CAMK4: variants seen among roughly 807,000 people sequenced by gnomAD.
The protein encoded by CAMK4 is calcium/calmodulin-dependent protein kinase type IV.
Under a neutral mutation model 44.9 loss-of-function variants are expected in CAMK4, and 22 were observed. The ratio of observed to expected loss-of-function variants is 0.49; its 90% CI spans 0.35 to 0.70. The LOEUF (loss-of-function observed/expected upper bound fraction) is 0.70. Among genes scored for constraint, CAMK4 ranks in the 30% least tolerant of loss-of-function variants. The probability of loss-of-function intolerance (pLI) is 0.01; values close to 1 mark genes in which losing one functional copy is unlikely to be tolerated. For synonymous variants in CAMK4, 218 were observed against 215.4 expected (o/e 1.01, Z -0.11); for missense variants, 498 against 586.8 (o/e 0.85, Z 1.56).
intron 1 of CAMK4, among the ~76,000 whole-genome samples, chr5:111,300,182 T>C (rs1184317474): frequency 9.9e-5 from 15 of 152,240 alleles, no homozygotes; most frequent in Admixed American, 9.8e-4. Flanking sequence ...AACAATTGTA[T>C]ACTAATGTCA....
At chr5:111,411,909 C>G (rs1036779138) in intron 5 of CAMK4, among the ~76,000 whole-genome samples, 2 of 152,096 alleles carry the variant, frequency 1.3e-5, no homozygotes, top group African/African-American at 4.8e-5. Flanking sequence ...TGGAAGATAT[C>G]TTTTAAAAGC....
intron 1 of CAMK4, among the ~76,000 whole-genome samples, chr5:111,258,346 A>C (rs1035660384): frequency 6.6e-6 from 1 of 152,188 alleles, no homozygotes; most frequent in Admixed American, 6.5e-5. Flanking sequence ...GCTGACTAAC[A>C]TACCTATTTG....
chr5:111,477,029 A>G (rs563021505), intron 8 of CAMK4, among the ~76,000 whole-genome samples: 1 of 152,302 alleles, frequency 6.6e-6, no homozygotes, highest in South Asian at 2.1e-4. Context: ...CTCCATGACT[A>G]ACTGCAACAG....
chr5:111,308,982 A>G (rs534770176), intron 1 of CAMK4, among the ~76,000 whole-genome samples: 28 of 152,304 alleles, frequency 1.8e-4, no homozygotes, highest in African/African-American at 6.3e-4. Context: ...TACCATAAAC[A>G]TGTAGTAAAT....
At chr5:111,344,453 A>G (rs1749788907) in intron 2 of CAMK4, among the ~76,000 whole-genome samples, 1 of 151,568 alleles carries the variant, frequency 6.6e-6, no homozygotes, top group Non-Finnish European at 1.5e-5. Flanking sequence ...CACACTATAT[A>G]ATAATTTCAA....
intron 1 of CAMK4, among the ~76,000 whole-genome samples, chr5:111,299,709 C>T (rs1390465981): frequency 3.3e-5 from 5 of 152,116 alleles, no homozygotes; most frequent in Non-Finnish European, 7.4e-5. Flanking sequence ...CCCTATGTGA[C>T]CAGCATTCGT....
At chr5:111,240,930 A>T (rs151139216) in intron 1 of CAMK4, among the ~76,000 whole-genome samples, 1 of 152,314 alleles carries the variant, frequency 6.6e-6, no homozygotes, top group African/African-American at 2.4e-5. Context: ...CAACTCTGGT[A>T]CCTAGTAGCT....
In CAMK4 at chr5:111,463,298, C is replaced by T. The variant is rs549947490; in HGVS notation, c.626-10013C>T. Among the ~76,000 whole-genome samples, 24 of 152,058 alleles carry T rather than the reference C, an allele frequency of 1.6e-4. No individual in the cohort carries two copies. In the South Asian group the frequency reaches 3.3e-3, roughly 21 times the overall value. ...TACAAATCAGCAAGAAAAAAAAGGG[C>T]GCAAAGGGCATGAATAGACAATGCT... On this transcript the variant is annotated intron_variant, in intron 7 of 10. Transcript: ENST00000282356.
intron 4 of CAMK4, among the ~76,000 whole-genome samples, chr5:111,388,081 A>G (rs1175418492): frequency 2.0e-5 from 3 of 152,212 alleles, no homozygotes; most frequent in Non-Finnish European, 4.4e-5. Flanking sequence ...CAATCTGTTT[A>G]AGGAATCATC....
At chr5:111,374,984 C>CTGA in intron 3 of CAMK4, 72 bp downstream of exon 3, 1 of 953,356 alleles carries the variant, frequency 1.0e-6, no homozygotes, top group Non-Finnish European at 1.6e-6. Context: ...CCTTCACTGT[C>CTGA]AGTGCTGATA....
intron 1 of CAMK4, among the ~76,000 whole-genome samples, chr5:111,253,463 T>C (rs1317630878): frequency 6.6e-6 from 1 of 152,216 alleles, no homozygotes; most frequent in Non-Finnish European, 1.5e-5. Context: ...TTCTCAGTCA[T>C]GTCACCTGGG....
intron 1 of CAMK4, among the ~76,000 whole-genome samples, chr5:111,237,948 G>A (rs895075559): frequency 6.6e-6 from 1 of 152,178 alleles, no homozygotes; most frequent in Admixed American, 6.5e-5. Flanking sequence ...TCCAAGTAGG[G>A]TTATTAACTT....
Position 111,449,207 on chromosome 5 carries a change from T to G in CAMK4, c.625+4T>G, listed in dbSNP as rs377764169. 8.8e-4 allele frequency: 1,172 copies of G among 1,337,690 alleles called. No homozygotes were observed. The highest frequency in any genetic ancestry group is 1.1e-3 in the Non-Finnish European group (1,010 of 957,568). The allele number at this position is 1,337,690 out of a possible 1,614,324, so 82.9% of individuals were successfully genotyped here. On this transcript the variant is annotated splice_donor_region_variant and intron_variant, in intron 7 of 10. Transcript: ENST00000282356. ...TGTGGAACCCCAGGGTACTGCGGTA[T>G]GCTCTTTAATAATTATATTTTACTT... is the stretch of plus-strand genomic sequence containing the variant.
chr5:111,300,641 T>G (rs1407891046), intron 1 of CAMK4, among the ~76,000 whole-genome samples: 2 of 151,862 alleles, frequency 1.3e-5, no homozygotes, highest in Non-Finnish European at 2.9e-5. Flanking sequence ...AATAAATGAG[T>G]TTTTTCCTTC....
At chr5:111,355,782 C>T (rs866672992) in intron 2 of CAMK4, among the ~76,000 whole-genome samples, 2,847 of 149,562 alleles carry the variant, frequency 0.019, 44 homozygotes, top group Non-Finnish European at 0.03. Context: ...GATAGTTTAC[C>T]GAGAATGATG....
At chr5:111,258,330 A>C (rs1331886727) in intron 1 of CAMK4, among the ~76,000 whole-genome samples, 2 of 152,182 alleles carry the variant, frequency 1.3e-5, no homozygotes, top group Admixed American at 1.3e-4. Context: ...AAAATACCGC[A>C]TTCAGGCTGA....
chr5:111,479,542 A>G (rs1302041116), intron 9 of CAMK4, among the ~76,000 whole-genome samples: 3 of 152,192 alleles, frequency 2.0e-5, no homozygotes, highest in East Asian at 3.9e-4. Flanking sequence ...CTTAGGAGGC[A>G]TCTAGTCCTC....
intron 1 of CAMK4, among the ~76,000 whole-genome samples, chr5:111,257,944 T>G (rs974230713): frequency 5.3e-5 from 8 of 151,908 alleles, no homozygotes; most frequent in African/African-American, 1.9e-4. Context: ...AGCTGAACAT[T>G]GAGAACACAT....
chr5:111,387,025 G>A (rs1580685736), intron 4 of CAMK4, among the ~76,000 whole-genome samples: 2 of 152,334 alleles, frequency 1.3e-5, no homozygotes, highest in East Asian at 3.9e-4. Context: ...AAACCACAGG[G>A]CCCTGGGCCT....
Sources: allele counts gnomAD v4.1 joint callset (sites outside exome capture counted in the v4.1 genomes callset), GRCh38; gene constraint gnomAD v4.1.1; transcripts MANE v1.5; gene names NCBI Gene and HGNC (gene_info 2026-07-23, HGNC 2026-07-21).